Variants in DYNC2I1 observed in about 807,000 individuals in gnomAD.
DYNC2I1 encodes dynein 2 intermediate chain 1, also known as cytoplasmic dynein 2 intermediate chain 1.
In DYNC2I1, 89 loss-of-function variants were observed where a neutral mutation model predicts 133.4. The observed-to-expected ratio is 0.67, with a 90% confidence interval of 0.56 to 0.80. The LOEUF is 0.80. Among genes scored for constraint, DYNC2I1 ranks in the 30% least tolerant of loss-of-function variants. DYNC2I1 has a pLI of 0.00. For missense variants in DYNC2I1, 1,291 were observed against 1,314.5 expected (o/e 0.98, Z 0.28); for synonymous variants, 504 against 484.3 (o/e 1.04, Z -0.54).
intron 4 of DYNC2I1, among the ~76,000 whole-genome samples, chr7:158,954,781 A>G (rs1852158711): frequency 6.6e-6 from 1 of 152,218 alleles, no homozygotes; most frequent in Non-Finnish European, 1.5e-5. Context: ...ATATTATAGC[A>G]TTTCTAGAGT....
At position 158,946,032 on chromosome 7, in the gene DYNC2I1, T is replaced by TGAGAG; in HGVS notation, c.*254_*258dup. Reference sequence around the variant, plus strand: ...GAGCCACGTCCAGGGTGCTCTTTTCTGAGAGTATTTCGAGTTATTTTTAGA... The same window carrying TGAGAG: ...GAGCCACGTCCAGGGTGCTCTTTTCTGAGAGGAGAGTATTTCGAGTTATTTTTAGA... On this transcript the variant is annotated 3_prime_UTR_variant, in exon 25 of 25. Transcript: ENST00000407559. The TGAGAG allele has an allele frequency of 8.7e-6, 3 of 343,448 alleles. No homozygotes were observed. The highest frequency in any genetic ancestry group is 1.1e-4 in the South Asian group (1 of 9,026). 21.3% of individuals were successfully genotyped at this position (343,448 alleles called of 1,614,324 possible). A position where few individuals can be genotyped will look rare whatever the true frequency, so the allele number is the denominator to read the frequency against.
chr7:158,915,157 ATGT>A (rs1847922221), intron 14 of DYNC2I1, among the ~76,000 whole-genome samples: 1 of 151,868 alleles, frequency 6.6e-6, no homozygotes, highest in Admixed American at 6.6e-5. Context: ...TGATTGTGAA[ATGT>A]CAACACGCTG....
chr7:158,946,229 CCTT>C (rs1851866584), downstream of DYNC2I1: 1 of 153,132 alleles, frequency 6.5e-6, no homozygotes, highest in Non-Finnish European at 1.5e-5. Flanking sequence ...TTCTTGAGCA[CCTT>C]CTTTTGGGAT....
At chr7:158,840,382 A>G in the DYNC2I1 span, among the ~76,000 whole-genome samples, 2 of 152,196 alleles carry the variant, frequency 1.3e-5, no homozygotes, top group African/African-American at 4.8e-5. Context: ...CCTGGCCAAC[A>G]TGGCAGAAAC....
At chr7:158,858,709 C>T (rs1456152201) in intron 1 of DYNC2I1, among the ~76,000 whole-genome samples, 1 of 151,938 alleles carries the variant, frequency 6.6e-6, no homozygotes, top group Non-Finnish European at 1.5e-5. Context: ...TCTGGGAATT[C>T]TTTCTCATTG....
chr7:158,859,147 T>C (rs1841646762), intron 1 of DYNC2I1, among the ~76,000 whole-genome samples: 1 of 148,800 alleles, frequency 6.7e-6, no homozygotes, highest in African/African-American at 2.5e-5. Flanking sequence ...AGGTGCGAGC[T>C]ACCATGCCTG....
intron 24 of DYNC2I1, 63 bp downstream of exon 24, chr7:158,942,211 T>TA (rs1296468172): frequency 2.3e-6 from 3 of 1,331,890 alleles, no homozygotes; most frequent in African/African-American, 3.0e-5. Flanking sequence ...GGGTGCCACT[T>TA]ACGGTCTTTC....
intron 8 of DYNC2I1, among the ~76,000 whole-genome samples, chr7:158,900,698 C>T (rs960357466): frequency 6.7e-6 from 1 of 148,494 alleles, no homozygotes; most frequent in Non-Finnish European, 1.5e-5. Flanking sequence ...ATACCTTTTG[C>T]AGTTGTCCCA....
intron 4 of DYNC2I1, among the ~76,000 whole-genome samples, chr7:158,953,198 T>TG (rs1852107262): frequency 7.8e-6 from 1 of 127,678 alleles, no homozygotes; most frequent in Admixed American, 8.4e-5. Context: ...CCTCCTCTCC[T>TG]AAATTGAGTG....
At chr7:158,849,319 C>T in the DYNC2I1 span, among the ~76,000 whole-genome samples, 36 of 152,312 alleles carry the variant, frequency 2.4e-4, no homozygotes, top group African/African-American at 6.7e-4. Context: ...TTGTATCTGA[C>T]TGAGGAATGT....
intron 8 of DYNC2I1, 23 bp downstream of exon 8, chr7:158,891,356 T>G (rs367589644): frequency 1.2e-6 from 2 of 1,613,690 alleles, no homozygotes; most frequent in African/African-American, 2.7e-5. Context: ...CGTCTTCTTA[T>G]AGTTTGCAAT....
At chr7:158,908,125 C>T (rs900796530) in intron 11 of DYNC2I1, among the ~76,000 whole-genome samples, 3 of 151,640 alleles carry the variant, frequency 2.0e-5, no homozygotes, top group Non-Finnish European at 2.9e-5. Context: ...ACACTTTATA[C>T]GCGTGTGGGG....
chr7:158,947,718 T>TC (rs1181109892), downstream of DYNC2I1, among the ~76,000 whole-genome samples: 1 of 152,114 alleles, frequency 6.6e-6, no homozygotes, highest in Non-Finnish European at 1.5e-5. Flanking sequence ...GGGGGCTCAC[T>TC]CCCCCCTCTG....
intron 10 of DYNC2I1, chr7:158,905,140 C>CTTTTTTCTTT: frequency 3.0e-6 from 1 of 335,744 alleles, no homozygotes; most frequent in Non-Finnish European, 5.6e-6. Context: ...CTTTCTTTTT[C>CTTTTTTCTTT]TTTTTTTTTT....
At chr7:158,883,662 T>C (rs1462307030) in intron 5 of DYNC2I1, among the ~76,000 whole-genome samples, 5 of 140,314 alleles carry the variant, frequency 3.6e-5, no homozygotes, top group African/African-American at 1.1e-4. Flanking sequence ...TGACTTCTTT[T>C]TTTTTTTTTT....
chr7:158,847,951 A>G, the DYNC2I1 span, among the ~76,000 whole-genome samples: 1 of 152,240 alleles, frequency 6.6e-6, no homozygotes, highest in Non-Finnish European at 1.5e-5. Context: ...CCTATATTAT[A>G]ATAGATTGTA....
chr7:158,902,327 G>C, intron 9 of DYNC2I1, 49 bp from the exon 10 acceptor site: 3 of 1,521,476 alleles, frequency 2.0e-6, no homozygotes, highest in Non-Finnish European at 2.7e-6. Flanking sequence ...AGGGATAATT[G>C]AAAGTCAGTT....
At chr7:158,955,921 C>G (rs140993273) in intron 4 of DYNC2I1, among the ~76,000 whole-genome samples, 35 of 152,308 alleles carry the variant, frequency 2.3e-4, no homozygotes, top group African/African-American at 8.2e-4. Context: ...CCTGGTGTCG[C>G]CCCAGGGGTT....
chr7:158,956,965 C>G (rs1055043925), downstream of DYNC2I1, among the ~76,000 whole-genome samples: 1 of 152,098 alleles, frequency 6.6e-6, no homozygotes, highest in Non-Finnish European at 1.5e-5. Flanking sequence ...TCCACACTCA[C>G]CCGGCATCGG....
Sources: gnomAD v4.1 joint callset for allele counts (sites outside exome capture counted in the v4.1 genomes callset) on GRCh38, gnomAD v4.1.1 for gene constraint, MANE v1.5 for transcripts, NCBI Gene and HGNC (gene_info 2026-07-23, HGNC 2026-07-21) for gene names.